The following CFAP206 variants were observed in gnomAD, a reference collection of about 807,000 sequenced individuals.
CFAP206 encodes cilia and flagella associated protein 206, also known as cilia- and flagella-associated protein 206.
In CFAP206, 53 loss-of-function variants were observed where a neutral mutation model predicts 65.4. That is an observed-to-expected ratio of 0.81 (90% CI 0.65 to 1.02). CFAP206 has a LOEUF of 1.02. Ranked by LOEUF, CFAP206 falls within the 50% of genes least tolerant of loss-of-function variation. The pLI, the probability that CFAP206 is intolerant of heterozygous loss-of-function variation, is 0.00. For synonymous variants in CFAP206, 250 were observed against 254.4 expected, an observed-to-expected ratio of 0.98 and a Z score of 0.17; for missense variants, 663 against 753.2, an observed-to-expected ratio of 0.88 and a Z score of 1.40.
chr6:87,440,353 A>G lies in CFAP206; in HGVS notation c.1494+5300A>G, dbSNP rs1468908620. 3.3e-5 allele frequency among the ~76,000 whole-genome samples: 5 copies of G among 152,032 alleles called. No homozygotes were observed. The East Asian group carries it at 9.6e-4, about 29-fold the overall frequency. On this transcript the variant is annotated intron_variant, in intron 11 of 12. Transcript: ENST00000369562. Reference sequence around the variant, plus strand: ...ACTCCCTTACTAATTCTAATAATTGATATTTGAGAGTCTATTGATATTTAG... The same window carrying G: ...ACTCCCTTACTAATTCTAATAATTGGTATTTGAGAGTCTATTGATATTTAG...
At chr6:87,440,780 A>G (rs1390568009) in intron 11 of CFAP206, among the ~76,000 whole-genome samples, 1 of 152,222 alleles carries the variant, frequency 6.6e-6, no homozygotes, top group African/African-American at 2.4e-5. Context: ...TGAGGCCAGC[A>G]TCTAATGAGG....
intron 4 of CFAP206, among the ~76,000 whole-genome samples, chr6:87,414,321 G>C (rs1767788217): frequency 6.6e-6 from 1 of 152,094 alleles, no homozygotes; most frequent in African/African-American, 2.4e-5. Context: ...TTTTGAGACA[G>C]AGTCTTGCTC....
At chr6:87,444,980 G>A (rs1562250301) in intron 11 of CFAP206, 1 of 525,246 alleles carries the variant, frequency 1.9e-6, no homozygotes, top group Non-Finnish European at 3.8e-6. Flanking sequence ...GGCAGCATTT[G>A]GCTTCTGTAA....
chr6:87,446,948 T>C (rs1768452491), intron 11 of CFAP206, among the ~76,000 whole-genome samples: 1 of 152,178 alleles, frequency 6.6e-6, no homozygotes, highest in Non-Finnish European at 1.5e-5. Flanking sequence ...TTATTCTCTT[T>C]GTGGTAATTG....
chr6:87,424,144 T>C (rs1767996452), intron 7 of CFAP206, among the ~76,000 whole-genome samples: 1 of 152,242 alleles, frequency 6.6e-6, no homozygotes, highest in African/African-American at 2.4e-5. Context: ...CCAAGATTGC[T>C]ACCCCTTATT....
intron 9 of CFAP206, among the ~76,000 whole-genome samples, chr6:87,430,257 T>C (rs1446836491): frequency 6.6e-6 from 1 of 152,228 alleles, no homozygotes; most frequent in Non-Finnish European, 1.5e-5. Context: ...AGATCGTTTG[T>C]GGTGCCTGCT....
intron 6 of CFAP206, among the ~76,000 whole-genome samples, chr6:87,417,901 A>G (rs1370048093): frequency 1.3e-5 from 2 of 151,682 alleles, no homozygotes; most frequent in Non-Finnish European, 2.9e-5. Flanking sequence ...CACCACGCTC[A>G]GCTAATTTTT....
At chr6:87,441,851 T>A in intron 11 of CFAP206, 1 of 285,968 alleles carries the variant, frequency 3.5e-6, no homozygotes. Flanking sequence ...AAATCCGATG[T>A]CATCCCTAGC....
intron 11 of CFAP206, among the ~76,000 whole-genome samples, chr6:87,457,225 G>A (rs1768662053): frequency 6.6e-6 from 1 of 150,838 alleles, no homozygotes. Context: ...AATTAATATT[G>A]TTAAAATGTT....
intron 3 of CFAP206, among the ~76,000 whole-genome samples, chr6:87,411,866 A>G (rs1767740953): frequency 6.6e-6 from 1 of 152,228 alleles, no homozygotes; most frequent in South Asian, 2.1e-4. Flanking sequence ...TGACAATGAG[A>G]TACAATCTTA....
intron 2 of CFAP206, 38 bp downstream of exon 2, chr6:87,409,985 G>C: frequency 7.0e-7 from 1 of 1,432,090 alleles, no homozygotes; most frequent in Middle Eastern, 1.8e-4. Context: ...GTTTTATTAA[G>C]AGGTTTTTTA....
chr6:87,412,546 G>A (rs906714714), intron 3 of CFAP206, among the ~76,000 whole-genome samples: 8 of 152,190 alleles, frequency 5.3e-5, no homozygotes, highest in African/African-American at 1.9e-4. Context: ...CTATGTGGGG[G>A]CTCATAGGAG....
intron 6 of CFAP206, among the ~76,000 whole-genome samples, chr6:87,417,790 T>C (rs1018241885): frequency 1.3e-5 from 2 of 150,852 alleles, no homozygotes; most frequent in South Asian, 4.2e-4. Context: ...AGTTTCGTTC[T>C]TGTCGCCCAG....
intron 9 of CFAP206, among the ~76,000 whole-genome samples, chr6:87,430,074 A>G (rs1465117164): frequency 3.9e-5 from 6 of 152,234 alleles, no homozygotes; most frequent in Admixed American, 3.9e-4. Flanking sequence ...TTTATTCACT[A>G]GAACACTATT....
At chr6:87,459,672 C>T (rs1338914373) in intron 11 of CFAP206, among the ~76,000 whole-genome samples, 1 of 152,148 alleles carries the variant, frequency 6.6e-6, no homozygotes, top group Non-Finnish European at 1.5e-5. Context: ...AGTTGAACGT[C>T]TACAGACAGG....
intron 11 of CFAP206, among the ~76,000 whole-genome samples, chr6:87,443,618 T>A (rs1337274237): frequency 3.3e-5 from 5 of 152,196 alleles, no homozygotes; most frequent in African/African-American, 7.2e-5. Context: ...ATAAGTTTTT[T>A]AAAAATGATT....
intron 6 of CFAP206, among the ~76,000 whole-genome samples, chr6:87,417,818 C>T (rs1172825918): frequency 1.4e-5 from 2 of 147,210 alleles, no homozygotes; most frequent in Admixed American, 6.9e-5. Context: ...TGCAGTGGCG[C>T]GATCTCGGCT....
At chr6:87,408,749 C>T (rs1189049837) in intron 1 of CFAP206, 1 of 152,248 alleles carries the variant, frequency 6.6e-6, no homozygotes, top group Non-Finnish European at 1.5e-5. Flanking sequence ...GTCCTCACAC[C>T]TCTGGAAAGA....
chr6:87,441,766 A>G, intron 11 of CFAP206: 1 of 224,938 alleles, frequency 4.4e-6, no homozygotes, highest in Non-Finnish European at 9.3e-6. Flanking sequence ...TCTTCCTAGA[A>G]ATTCTGGTGT....
Sources: gnomAD v4.1 joint callset for allele counts (sites outside exome capture counted in the v4.1 genomes callset) on GRCh38, gnomAD v4.1.1 for gene constraint, MANE v1.5 for transcripts, NCBI Gene and HGNC (gene_info 2026-07-23, HGNC 2026-07-21) for gene names.